TGFBR3: variants seen among roughly 807,000 people sequenced by gnomAD.
TGFBR3 encodes transforming growth factor beta receptor 3, also known as transforming growth factor beta receptor type 3.
In TGFBR3, 46 loss-of-function variants were observed where a neutral mutation model predicts 87.9. The observed-to-expected ratio is 0.52, with a 90% CI of 0.41 to 0.67. TGFBR3 has a LOEUF of 0.67. Among genes scored for constraint, TGFBR3 ranks in the 30% least tolerant of loss-of-function variants. The probability of loss-of-function intolerance (pLI) is 0.00; values close to 1 mark genes in which losing one functional copy is unlikely to be tolerated. For missense variants in TGFBR3, 866 were observed against 1,041.9 expected, an observed-to-expected ratio of 0.83 and a Z score of 2.32; for synonymous variants, 381 against 391.6, an observed-to-expected ratio of 0.97 and a Z score of 0.32.
rs1440465103 is a variant in TGFBR3 at position 91,719,919 on chromosome 1, C to T, written c.1387G>A (p.Val463Met). Reference protein sequence around the residue: ...SVKCDNEKMIVAVEKDSFQAS... With the variant: ...SVKCDNEKMIMAVEKDSFQAS... The stretch of plus-strand genomic sequence containing the variant: ...TGAAAAGAATCTTTTTCTACAGCCA[C>T]GATCATCTTCTCATTGTCACATTTG... The change falls in exon 9 of 17, where the codon GTG becomes ATG. Residue 463 changes from valine (V) to methionine (M), a missense_variant. Transcript: ENST00000212355. 3.7e-6 allele frequency: 6 copies of T among 1,614,044 alleles called. No individual in the cohort carries two copies. The highest frequency in any genetic ancestry group is 4.5e-5 in the East Asian group (2 of 44,898).
intron 16 of TGFBR3, among the ~76,000 whole-genome samples, chr1:91,694,636 T>TA (rs1435681872): frequency 6.6e-6 from 1 of 152,234 alleles, no homozygotes; most frequent in East Asian, 1.9e-4. Flanking sequence ...CCTTCCTCTT[T>TA]AAATCAGCCA....
At chr1:91,747,341 G>A (rs1183223468) in intron 4 of TGFBR3, among the ~76,000 whole-genome samples, 6 of 152,184 alleles carry the variant, frequency 3.9e-5, no homozygotes, top group African/African-American at 1.4e-4. Flanking sequence ...AGAGGAGAGT[G>A]AAAAGGAAAA....
At chr1:91,751,409 G>A (rs1488821608) in intron 4 of TGFBR3, among the ~76,000 whole-genome samples, 1 of 152,274 alleles carries the variant, frequency 6.6e-6, no homozygotes, top group South Asian at 2.1e-4. Context: ...GGTGGTATGG[G>A]CTGTGCGTGT....
chr1:91,807,881 G>A (rs1156281071), intron 2 of TGFBR3, among the ~76,000 whole-genome samples: 1 of 152,140 alleles, frequency 6.6e-6, no homozygotes, highest in Non-Finnish European at 1.5e-5. Flanking sequence ...TCTATGACAG[G>A]CTTGACTTAT....
At chr1:91,882,884 AC>A in intron 1 of TGFBR3, among the ~76,000 whole-genome samples, 1 of 152,312 alleles carries the variant, frequency 6.6e-6, no homozygotes, top group South Asian at 2.1e-4. Context: ...CTGAACTACT[AC>A]TATACTTGAA....
At position 91,710,703 on chromosome 1, in the gene TGFBR3, T is replaced by C. The variant is rs188929518; in HGVS notation, c.2166+1540A>G. Among the ~76,000 whole-genome samples the C allele has an allele frequency of 2.6e-3, 401 of 152,308 alleles. 1 individual carries two copies. Among genetic ancestry groups the C allele is most frequent in the Non-Finnish European group, 4.8e-3 (324 of 68,016 alleles). ...GGCTGTCATTGTACATACTGTCCTATTTGCTCCTCTACCCAGGAGGGAAGC... is the reference window on the plus strand; with the variant it reads ...GGCTGTCATTGTACATACTGTCCTACTTGCTCCTCTACCCAGGAGGGAAGC... On this transcript the variant is annotated intron_variant, in intron 13 of 16. Transcript: ENST00000212355.
At chr1:91,710,724 G>A (rs1043604483) in intron 13 of TGFBR3, among the ~76,000 whole-genome samples, 6 of 152,174 alleles carry the variant, frequency 3.9e-5, no homozygotes, top group African/African-American at 1.4e-4. Context: ...ACCCAGGAGG[G>A]AAGCCAGGTA....
chr1:91,702,379 G>C (rs1051249742), intron 14 of TGFBR3, among the ~76,000 whole-genome samples: 2 of 152,214 alleles, frequency 1.3e-5, no homozygotes, highest in South Asian at 2.1e-4. Context: ...GGGCGCGGTG[G>C]CTCACACCTG....
chr1:91,831,484 T>G lies in TGFBR3; in HGVS notation c.61+29987A>C, dbSNP rs182074114. Among the ~76,000 whole-genome samples the G allele has an allele frequency of 2.9e-4, 44 of 152,302 alleles. 1 individual carries two copies. The highest frequency in any genetic ancestry group is 2.9e-3 in the Admixed American group (44 of 15,302). On this transcript the variant is annotated intron_variant, in intron 2 of 16. Transcript: ENST00000212355. ...CATATGCTTCTGTCTTTATCAACCA[T>G]GAACCAACTAAACCACTACAAGGAA...
At chr1:91,827,656 AAC>A (rs1401216306) in intron 2 of TGFBR3, among the ~76,000 whole-genome samples, 1 of 152,216 alleles carries the variant, frequency 6.6e-6, no homozygotes, top group Non-Finnish European at 1.5e-5. Flanking sequence ...TGGTTATGAT[AAC>A]ACAGTCCCTG....
intron 2 of TGFBR3, among the ~76,000 whole-genome samples, chr1:91,897,741 G>A (rs1472519233): frequency 1.3e-5 from 2 of 152,162 alleles, no homozygotes; most frequent in East Asian, 3.9e-4. Flanking sequence ...GCACAAAGTA[G>A]AAAATTAATC....
intron 2 of TGFBR3, among the ~76,000 whole-genome samples, chr1:91,819,325 G>A (rs1048283756): frequency 3.3e-5 from 5 of 151,650 alleles, no homozygotes; most frequent in South Asian, 4.2e-4. Context: ...CTGAGATCGC[G>A]CCACTGTATT....
At chr1:91,895,257 G>A (rs1001596151) in intron 2 of TGFBR3, among the ~76,000 whole-genome samples, 7 of 152,022 alleles carry the variant, frequency 4.6e-5, no homozygotes, top group Non-Finnish European at 5.9e-5. Flanking sequence ...CCTCAAGATA[G>A]TGAGTTCTTG....
rs754374295 is a variant in TGFBR3 at position 91,719,362 on chromosome 1, C to T, written c.1516G>A (p.Gly506Ser). The T allele has an allele frequency of 9.9e-6, 16 of 1,614,018 alleles. No individual in the cohort carries two copies. The highest frequency in any genetic ancestry group is 8.9e-5 in the East Asian group (4 of 44,870). Residue 506 changes from glycine to serine, a missense_variant, in exon 10 of 17, where the codon GGT becomes AGT. Transcript: ENST00000212355. ...AGGGCTGACCACCGGGGCCGAGTAC[C>T]GCAGCCATTCAGAGGAGACTCCAAA... ...FVLESPLNGC[G>S]TRPRWSALDG...
At chr1:91,718,281 G>A (rs892557503) in intron 10 of TGFBR3, among the ~76,000 whole-genome samples, 2 of 152,166 alleles carry the variant, frequency 1.3e-5, no homozygotes, top group South Asian at 2.1e-4. Flanking sequence ...GTTATTTGCT[G>A]CTCCAACAGT....
chr1:91,887,262 T>TTTTTTTTTTTG (rs1165045165), upstream of TGFBR3, among the ~76,000 whole-genome samples: 1,897 of 125,020 alleles, frequency 0.015, 181 homozygotes, highest in African/African-American at 0.023. Context: ...TTTTTTTTTT[T>TTTTTTTTTTTG]TGAGATGGAG....
At chr1:91,726,040 G>A (rs1672538120) in intron 7 of TGFBR3, among the ~76,000 whole-genome samples, 1 of 152,154 alleles carries the variant, frequency 6.6e-6, no homozygotes, top group African/African-American at 2.4e-5. Flanking sequence ...ATGTTGTCAT[G>A]CATTGTCCAA....
intron 1 of TGFBR3, among the ~76,000 whole-genome samples, chr1:91,866,035 T>C (rs1678385793): frequency 6.6e-6 from 1 of 152,078 alleles, no homozygotes; most frequent in Non-Finnish European, 1.5e-5. Flanking sequence ...TCCATTAAAC[T>C]GAGCATACTG....
chr1:91,831,785 C>T (rs1383910882), intron 2 of TGFBR3, among the ~76,000 whole-genome samples: 1 of 152,124 alleles, frequency 6.6e-6, no homozygotes, highest in Non-Finnish European at 1.5e-5. Flanking sequence ...CATCAAAACA[C>T]GTAACAATTA....
Sources: allele counts gnomAD v4.1 joint callset (sites outside exome capture counted in the v4.1 genomes callset), GRCh38; gene constraint gnomAD v4.1.1; transcripts MANE v1.5; gene names NCBI Gene and HGNC (gene_info 2026-07-23, HGNC 2026-07-21).